Variants in EPHA6 observed in about 807,000 individuals in gnomAD.
EPHA6 encodes the protein ephrin type-A receptor 6.
Under a neutral mutation model 112.0 loss-of-function variants are expected in EPHA6, and 50 were observed. That is an observed-to-expected ratio of 0.45 (90% CI 0.36 to 0.56). The LOEUF (loss-of-function observed/expected upper bound fraction) is 0.56, where lower values mean the gene tolerates loss of function less well. Ranked by LOEUF, EPHA6 falls within the 20% of genes least tolerant of loss-of-function variation. The pLI is 0.00. For synonymous variants in EPHA6, 529 were observed against 490.7 expected (o/e 1.08, Z -1.03); for missense variants, 1,280 against 1,417.4 (o/e 0.90, Z 1.56).
intron 5 of EPHA6, among the ~76,000 whole-genome samples, chr3:97,346,785 C>T (rs1474457253): frequency 1.3e-5 from 2 of 151,794 alleles, no homozygotes; most frequent in Non-Finnish European, 2.9e-5. Context: ...TAGTCATGGA[C>T]ATTATCATGG....
chr3:97,049,832 C>A (rs897846480), intron 3 of EPHA6, among the ~76,000 whole-genome samples: 1 of 152,016 alleles, frequency 6.6e-6, no homozygotes, highest in East Asian at 1.9e-4. Flanking sequence ...ACTCACTCAC[C>A]CTTGAGGGGA....
At chr3:97,162,981 C>T (rs80331884) in intron 3 of EPHA6, among the ~76,000 whole-genome samples, 1 of 152,272 alleles carries the variant, frequency 6.6e-6, no homozygotes, top group East Asian at 1.9e-4. Flanking sequence ...TGGTTGAGTG[C>T]TGTGTATCAG....
intron 6 of EPHA6, among the ~76,000 whole-genome samples, chr3:97,409,922 G>C (rs1206662498): frequency 6.6e-6 from 1 of 151,982 alleles, no homozygotes; most frequent in Non-Finnish European, 1.5e-5. Context: ...TAACCTGCCA[G>C]TGTTTCACCT....
At chr3:97,517,019 T>C (rs1197700455) in intron 10 of EPHA6, among the ~76,000 whole-genome samples, 2 of 152,104 alleles carry the variant, frequency 1.3e-5, no homozygotes, top group African/African-American at 4.8e-5. Flanking sequence ...CATGTCTTCA[T>C]GGTTAGATGG....
chr3:97,318,918 TA>T (rs889614709), intron 5 of EPHA6, among the ~76,000 whole-genome samples: 114 of 150,860 alleles, frequency 7.6e-4, no homozygotes, highest in African/African-American at 2.2e-3. Flanking sequence ...GTTATTTATG[TA>T]AAAAAAAATG....
At chr3:97,505,864 T>TA (rs1193074685) in intron 10 of EPHA6, among the ~76,000 whole-genome samples, 2 of 152,236 alleles carry the variant, frequency 1.3e-5, no homozygotes, top group African/African-American at 4.8e-5. Context: ...CCTGACTTTT[T>TA]AATGATCGCC....
intron 11 of EPHA6, among the ~76,000 whole-genome samples, chr3:97,582,410 A>T (rs967830982): frequency 1.3e-5 from 2 of 152,150 alleles, no homozygotes; most frequent in Admixed American, 6.5e-5. Context: ...GACATAATCT[A>T]AACTGGGAGG....
rs369099682 is a variant in EPHA6 at position 97,717,911 on chromosome 3, A to G, written c.2785-2350A>G. 1.8e-3 allele frequency among the ~76,000 whole-genome samples: 279 copies of G among 152,334 alleles called. 1 individual carries two copies. The highest frequency in any genetic ancestry group is 6.1e-3 in the African/African-American group (255 of 41,580). ...AAATATCATTTATAGGTGAATGAGTAAATGAACATAAAATAACCATTAACT... is the reference window on the plus strand; with the variant it reads ...AAATATCATTTATAGGTGAATGAGTGAATGAACATAAAATAACCATTAACT... On this transcript the variant is annotated intron_variant, in intron 14 of 17. Transcript: ENST00000389672.
chr3:97,625,247 T>C (rs1404011778), intron 13 of EPHA6, among the ~76,000 whole-genome samples: 2 of 151,632 alleles, frequency 1.3e-5, no homozygotes, highest in Admixed American at 6.6e-5. Flanking sequence ...GGTACTTTCA[T>C]TTTCAGTAGT....
chr3:97,408,367 G>T (rs1400847256), intron 6 of EPHA6, among the ~76,000 whole-genome samples: 1 of 151,780 alleles, frequency 6.6e-6, no homozygotes, highest in African/African-American at 2.4e-5. Flanking sequence ...CTTACCCTTT[G>T]TGTTCACATT....
intron 2 of EPHA6, among the ~76,000 whole-genome samples, chr3:96,896,990 G>C (rs1036701814): frequency 2.0e-5 from 3 of 152,044 alleles, no homozygotes; most frequent in African/African-American, 7.2e-5. Flanking sequence ...TGAAAACATA[G>C]TTTGGTGTTA....
intron 5 of EPHA6, among the ~76,000 whole-genome samples, chr3:97,295,737 G>A (rs187754504): frequency 6.6e-6 from 1 of 151,976 alleles, no homozygotes; most frequent in East Asian, 1.9e-4. Flanking sequence ...GATGGTATTG[G>A]CTGCATAGGT....
chr3:97,243,330 A>T, intron 4 of EPHA6, among the ~76,000 whole-genome samples: 1 of 151,790 alleles, frequency 6.6e-6, no homozygotes. Context: ...TCATGCTTTT[A>T]TCACATCAAA....
chr3:97,737,562 T>A (rs1440374909), intron 16 of EPHA6, among the ~76,000 whole-genome samples: 2 of 152,062 alleles, frequency 1.3e-5, no homozygotes, highest in African/African-American at 4.8e-5. Flanking sequence ...TCAAGTTTCT[T>A]TCTTATACAA....
intron 13 of EPHA6, among the ~76,000 whole-genome samples, chr3:97,635,278 A>C (rs1296693586): frequency 6.6e-6 from 1 of 152,128 alleles, no homozygotes; most frequent in Non-Finnish European, 1.5e-5. Flanking sequence ...AAATGATACC[A>C]CTTACCATTA....
intron 14 of EPHA6, among the ~76,000 whole-genome samples, chr3:97,647,332 C>T (rs1318527966): frequency 1.3e-5 from 2 of 152,016 alleles, no homozygotes; most frequent in Admixed American, 6.6e-5. Flanking sequence ...CACCAAGAGT[C>T]GACAGCACAG....
At chr3:97,582,769 T>C (rs1290909846) in intron 11 of EPHA6, among the ~76,000 whole-genome samples, 1 of 152,166 alleles carries the variant, frequency 6.6e-6, no homozygotes, top group Non-Finnish European at 1.5e-5. Context: ...ATCCACACCA[T>C]ATAGATGCCA....
intron 1 of EPHA6, among the ~76,000 whole-genome samples, chr3:96,848,434 C>G (rs2035201803): frequency 6.6e-6 from 1 of 151,912 alleles, no homozygotes; most frequent in Non-Finnish European, 1.5e-5. Context: ...TGAGACCAGC[C>G]AGACCAACAT....
chr3:97,566,215 T>G (rs2093264544), intron 11 of EPHA6, among the ~76,000 whole-genome samples: 1 of 151,934 alleles, frequency 6.6e-6, no homozygotes, highest in African/African-American at 2.4e-5. Flanking sequence ...CAACCAGATC[T>G]TGCATGAACT....
Sources: gnomAD v4.1 joint callset for allele counts (sites outside exome capture counted in the v4.1 genomes callset) on GRCh38, gnomAD v4.1.1 for gene constraint, MANE v1.5 for transcripts, NCBI Gene and HGNC (gene_info 2026-07-23, HGNC 2026-07-21) for gene names.